Variants in SRPK2 observed in about 807,000 individuals in gnomAD.
SRPK2 encodes SRSF protein kinase 2.
In SRPK2, 21 loss-of-function variants were observed where a neutral mutation model predicts 90.8. The ratio of observed to expected loss-of-function variants is 0.23; its 90% CI spans 0.16 to 0.33. SRPK2 has a LOEUF of 0.33. SRPK2 is among the 10% of genes least tolerant of loss of function. The pLI, the probability that SRPK2 is intolerant of heterozygous loss-of-function variation, is 1.00. For missense variants in SRPK2, 620 were observed against 869.0 expected, an observed-to-expected ratio of 0.71 and a Z score of 3.60; for synonymous variants, 288 against 311.1, an observed-to-expected ratio of 0.93 and a Z score of 0.78.
chr7:105,244,326 T>C (rs574310991), intron 2 of SRPK2, among the ~76,000 whole-genome samples: 4 of 152,290 alleles, frequency 2.6e-5, no homozygotes, highest in Non-Finnish European at 4.4e-5. Context: ...TCCCAGCACT[T>C]TGGGAGGCCG....
chr7:105,315,885 T>C (rs1181092224), intron 2 of SRPK2, among the ~76,000 whole-genome samples: 2 of 152,170 alleles, frequency 1.3e-5, no homozygotes, highest in Non-Finnish European at 2.9e-5. Flanking sequence ...ATGGTTTTCC[T>C]CCTAACCCTC....
chr7:105,376,842 ACC>A (rs1489184923), intron 2 of SRPK2, among the ~76,000 whole-genome samples: 2 of 35,148 alleles, frequency 5.7e-5, no homozygotes, highest in African/African-American at 1.0e-4. Context: ...CCGCCCCCCC[ACC>A]CCCCTTTTTT....
At chr7:105,271,234 C>T (rs1173131573) in intron 2 of SRPK2, among the ~76,000 whole-genome samples, 1 of 152,038 alleles carries the variant, frequency 6.6e-6, no homozygotes, top group African/African-American at 2.4e-5. Flanking sequence ...ATGAAAAAGC[C>T]CAAGATTAAA....
chr7:105,305,254 A>C (rs1402680903), intron 2 of SRPK2, among the ~76,000 whole-genome samples: 1 of 152,142 alleles, frequency 6.6e-6, no homozygotes, highest in African/African-American at 2.4e-5. Context: ...AGCCTGACCC[A>C]CATAGTGAAA....
upstream of SRPK2, among the ~76,000 whole-genome samples, chr7:105,390,607 G>GTTTTTTTTTTT (rs869259356): frequency 5.5e-5 from 6 of 109,044 alleles, no homozygotes; most frequent in African/African-American, 7.8e-5. Context: ...TTTTGTTTTT[G>GTTTTTTTTTTT]TTTTTTTTTT....
At chr7:105,258,457 G>A (rs1803696228) in intron 2 of SRPK2, among the ~76,000 whole-genome samples, 1 of 151,176 alleles carries the variant, frequency 6.6e-6, no homozygotes, top group Non-Finnish European at 1.5e-5. Context: ...AGCACAGTGT[G>A]GAGTGCAAAT....
intron 2 of SRPK2, among the ~76,000 whole-genome samples, chr7:105,225,869 G>T (rs1409692060): frequency 6.6e-6 from 1 of 151,854 alleles, no homozygotes; most frequent in Admixed American, 6.6e-5. Flanking sequence ...AGACACATGT[G>T]GCTATTTAAA....
At chr7:105,281,974 G>A (rs1807403254) in intron 2 of SRPK2, among the ~76,000 whole-genome samples, 1 of 152,088 alleles carries the variant, frequency 6.6e-6, no homozygotes, top group Non-Finnish European at 1.5e-5. Flanking sequence ...TCAAATTCAT[G>A]TAGAAATGCA....
intron 3 of SRPK2, among the ~76,000 whole-genome samples, chr7:105,190,781 T>C (rs1794185523): frequency 6.6e-6 from 1 of 152,228 alleles, no homozygotes; most frequent in Non-Finnish European, 1.5e-5. Context: ...ACCTGCTTGC[T>C]GATACTTCTG....
At chr7:105,156,289 T>C (rs771895684) in intron 7 of SRPK2, among the ~76,000 whole-genome samples, 23 of 152,194 alleles carry the variant, frequency 1.5e-4, no homozygotes, top group South Asian at 6.2e-4. Context: ...TAGGGGCAAG[T>C]TACTTAACCT....
intron 1 of SRPK2, among the ~76,000 whole-genome samples, chr7:105,397,262 C>T (rs1022279478): frequency 1.8e-4 from 27 of 151,772 alleles, no homozygotes; most frequent in Non-Finnish European, 3.5e-4. Flanking sequence ...GTGATCCACC[C>T]GCCTCGGCCT....
At chr7:105,259,616 C>T (rs1803899271) in intron 2 of SRPK2, among the ~76,000 whole-genome samples, 1 of 152,186 alleles carries the variant, frequency 6.6e-6, no homozygotes, top group African/African-American at 2.4e-5. Flanking sequence ...GGAGGCATCA[C>T]ACTACCTGAC....
intron 2 of SRPK2, among the ~76,000 whole-genome samples, chr7:105,246,740 T>G (rs1222975682): frequency 1.3e-5 from 2 of 152,206 alleles, no homozygotes; most frequent in African/African-American, 4.8e-5. Flanking sequence ...TTTTTTTCAG[T>G]GCCAAATACT....
intron 2 of SRPK2, among the ~76,000 whole-genome samples, chr7:105,292,038 C>T (rs1438884891): frequency 6.6e-6 from 1 of 152,164 alleles, no homozygotes; most frequent in Non-Finnish European, 1.5e-5. Flanking sequence ...TCCTAGTTTT[C>T]CCGTTGCTCT....
chr7:105,195,089 G>A (rs1585130976), intron 3 of SRPK2, among the ~76,000 whole-genome samples: 1 of 151,928 alleles, frequency 6.6e-6, no homozygotes, highest in Non-Finnish European at 1.5e-5. Flanking sequence ...TCGTTCTATC[G>A]CCCAGGCTGG....
At chr7:105,392,938 A>G (rs1242656680), upstream of SRPK2, among the ~76,000 whole-genome samples, 1 of 149,772 alleles carries the variant, frequency 6.7e-6, no homozygotes, top group African/African-American at 2.5e-5. Context: ...TCAGCCTCCC[A>G]AGTAGCTGGG....
At chr7:105,147,625 C>G (rs1162790846) in intron 7 of SRPK2, among the ~76,000 whole-genome samples, 1 of 152,142 alleles carries the variant, frequency 6.6e-6, no homozygotes, top group Non-Finnish European at 1.5e-5. Flanking sequence ...CAACTACCAC[C>G]ACTATTTAAA....
chr7:105,321,718 G>A (rs1812963108), intron 2 of SRPK2, among the ~76,000 whole-genome samples: 1 of 152,074 alleles, frequency 6.6e-6, no homozygotes, highest in Admixed American at 6.6e-5. Context: ...TTCATAAGGA[G>A]AATGCAAATA....
chr7:105,283,606 G>A (rs1807634598), intron 2 of SRPK2, among the ~76,000 whole-genome samples: 1 of 152,150 alleles, frequency 6.6e-6, no homozygotes, highest in African/African-American at 2.4e-5. Context: ...ATTGCGGGTA[G>A]GGCAGGGTGG....
Sources: allele counts gnomAD v4.1 joint callset (sites outside exome capture counted in the v4.1 genomes callset), GRCh38; gene constraint gnomAD v4.1.1; transcripts MANE v1.5; gene names NCBI Gene and HGNC (gene_info 2026-07-23, HGNC 2026-07-21).